Variants in ARB2A observed in about 807,000 individuals in gnomAD.
ARB2A encodes cotranscriptional regulator ARB2A.
At chr5:94,035,407 C>T in the ARB2A span, among the ~76,000 whole-genome samples, 1 of 152,064 alleles carries the variant, frequency 6.6e-6, no homozygotes, top group African/African-American at 2.4e-5. Context: ...ATACCTTTCT[C>T]TAATCCTGAA....
the ARB2A span, among the ~76,000 whole-genome samples, chr5:93,812,738 T>A: frequency 6.6e-6 from 1 of 152,212 alleles, no homozygotes; most frequent in Non-Finnish European, 1.5e-5. Flanking sequence ...TGTGCCTACA[T>A]ATCCATTTAA....
chr5:93,947,720 T>A, the ARB2A span, among the ~76,000 whole-genome samples: 1 of 131,854 alleles, frequency 7.6e-6, no homozygotes, highest in Non-Finnish European at 1.6e-5. Context: ...CCTGTGTCCA[T>A]GTGTTCTCAT....
chr5:93,901,491 G>A, the ARB2A span, among the ~76,000 whole-genome samples: 4 of 152,076 alleles, frequency 2.6e-5, no homozygotes, highest in South Asian at 2.1e-4. Context: ...TTGTCCAGTT[G>A]TTATGCCAAT....
the ARB2A span, among the ~76,000 whole-genome samples, chr5:93,730,015 G>A: frequency 1.3e-5 from 2 of 152,052 alleles, no homozygotes; most frequent in African/African-American, 4.8e-5. Flanking sequence ...ATGTTCACAT[G>A]GTGTATATAT....
the ARB2A span, chr5:93,683,535 C>T: frequency 6.6e-6 from 10 of 1,505,768 alleles, no homozygotes; most frequent in African/African-American, 2.7e-5. Context: ...ATGGCCTCTG[C>T]TTCAACAATG....
the ARB2A span, among the ~76,000 whole-genome samples, chr5:93,842,837 G>A: frequency 6.6e-6 from 1 of 152,264 alleles, no homozygotes; most frequent in Admixed American, 6.5e-5. Context: ...CCTGACAGGA[G>A]AGGTTTTGAA....
At chr5:93,740,753 CATTG>C in the ARB2A span, 2 of 1,612,390 alleles carry the variant, frequency 1.2e-6, no homozygotes. Flanking sequence ...GGGGAAGCAT[CATTG>C]GTTGGTCGAC....
chr5:93,690,615 C>T, the ARB2A span, among the ~76,000 whole-genome samples: 1 of 152,098 alleles, frequency 6.6e-6, no homozygotes, highest in East Asian at 1.9e-4. Flanking sequence ...GAAGGGGTGG[C>T]TGTGGGTGCA....
At chr5:94,053,128 T>C in the ARB2A span, 17 of 1,543,544 alleles carry the variant, frequency 1.1e-5, no homozygotes, top group Non-Finnish European at 1.4e-5. Flanking sequence ...CCACTTACTT[T>C]CATTAAAAGC....
chr5:93,619,776 T>C, the ARB2A span: 2 of 152,198 alleles, frequency 1.3e-5, no homozygotes, highest in African/African-American at 2.4e-5. Context: ...ATTAAAATAA[T>C]TGTTCAAACT....
the ARB2A span, among the ~76,000 whole-genome samples, chr5:93,929,588 C>T: frequency 6.6e-6 from 1 of 151,274 alleles, no homozygotes; most frequent in Non-Finnish European, 1.5e-5. Flanking sequence ...AAAAGTAAAG[C>T]AACATAAAAT....
At chr5:93,946,324 C>T in the ARB2A span, among the ~76,000 whole-genome samples, 3 of 151,758 alleles carry the variant, frequency 2.0e-5, no homozygotes, top group Admixed American at 1.3e-4. Context: ...CCACAGGGTT[C>T]CAAAAGAGAG....
At chr5:94,057,953 A>G in the ARB2A span, among the ~76,000 whole-genome samples, 1 of 152,214 alleles carries the variant, frequency 6.6e-6, no homozygotes, top group Non-Finnish European at 1.5e-5. Flanking sequence ...GAAACTGTTT[A>G]GAAAGAGAGA....
At chr5:93,698,048 G>A in the ARB2A span, among the ~76,000 whole-genome samples, 2 of 152,090 alleles carry the variant, frequency 1.3e-5, no homozygotes, top group Admixed American at 6.6e-5. Flanking sequence ...GAATATTTTG[G>A]TAAGAGTGAT....
At chr5:93,644,183 C>A in the ARB2A span, among the ~76,000 whole-genome samples, 1 of 152,144 alleles carries the variant, frequency 6.6e-6, no homozygotes, top group Non-Finnish European at 1.5e-5. Flanking sequence ...AGTCCAGATC[C>A]CAGGCTCTTA....
the ARB2A span, among the ~76,000 whole-genome samples, chr5:93,671,538 A>T: frequency 6.6e-6 from 1 of 152,136 alleles, no homozygotes. Flanking sequence ...ATTAATAAAA[A>T]GTAGGATTTA....
At chr5:93,871,953 T>C in the ARB2A span, among the ~76,000 whole-genome samples, 1 of 149,376 alleles carries the variant, frequency 6.7e-6, no homozygotes, top group Non-Finnish European at 1.5e-5. Flanking sequence ...TTTTTTCTTT[T>C]TTTTTTTTTT....
the ARB2A span, among the ~76,000 whole-genome samples, chr5:93,775,122 A>G: frequency 4.2e-4 from 64 of 152,296 alleles, no homozygotes; most frequent in Middle Eastern, 6.8e-3. Context: ...ACCCTGGCTT[A>G]TAGACTTATA....
chr5:93,982,002 T>G, the ARB2A span, among the ~76,000 whole-genome samples: 1 of 152,084 alleles, frequency 6.6e-6, no homozygotes, highest in Non-Finnish European at 1.5e-5. Flanking sequence ...ATAGAAAACA[T>G]TACCTAGTCA....
Sources: gnomAD v4.1 joint callset for allele counts (sites outside exome capture counted in the v4.1 genomes callset) on GRCh38, gnomAD v4.1.1 for gene constraint, MANE v1.5 for transcripts, NCBI Gene and HGNC (gene_info 2026-07-23, HGNC 2026-07-21) for gene names.